GLP2R: variants seen among roughly 807,000 people sequenced by gnomAD.
GLP2R encodes the protein glucagon-like peptide 2 receptor.
In GLP2R, 59 loss-of-function variants were observed where a neutral mutation model predicts 68.2. The ratio of observed to expected loss-of-function variants is 0.87; its 90% CI spans 0.70 to 1.07. The LOEUF (loss-of-function observed/expected upper bound fraction) is 1.07, where lower values mean the gene tolerates loss of function less well. Among genes scored for constraint, GLP2R ranks in the 50% least tolerant of loss-of-function variants. The probability of loss-of-function intolerance (pLI) is 0.00; values close to 1 mark genes in which losing one functional copy is unlikely to be tolerated. For missense variants in GLP2R, 548 were observed against 677.4 expected, an observed-to-expected ratio of 0.81 and a Z score of 2.12; for synonymous variants, 270 against 265.4, an observed-to-expected ratio of 1.02 and a Z score of -0.17.
At chr17:9,866,363 G>C (rs980216584) in intron 9 of GLP2R, 4 of 168,390 alleles carry the variant, frequency 2.4e-5, no homozygotes, top group African/African-American at 4.8e-5. Context: ...GATGGGGATA[G>C]GAGGAGAATG....
At chr17:9,856,907 T>C (rs1597389513) in intron 5 of GLP2R, among the ~76,000 whole-genome samples, 1 of 152,114 alleles carries the variant, frequency 6.6e-6, no homozygotes, top group African/African-American at 2.4e-5. Flanking sequence ...ATGTTGAAGA[T>C]GTTTTGTAGG....
In GLP2R at chr17:9,890,006, A is replaced by C; in HGVS notation, c.*301A>C. 1 of 506,540 alleles carries C rather than the reference A, an allele frequency of 2.0e-6. No individual in the cohort carries two copies. The highest frequency in any genetic ancestry group is 1.5e-5 in the South Asian group (1 of 64,970). 31.4% of individuals were successfully genotyped at this position (506,540 alleles called of 1,614,324 possible). ...AAGCCAATGAAGTCCCACCATGAAG[A>C]GAGGTCTCCTGTTATAGAGAAGCCA... On this transcript the variant is annotated 3_prime_UTR_variant, in exon 13 of 13. Coordinates refer to ENST00000262441, the MANE Select transcript of GLP2R (RefSeq NM_004246.3).
At chr17:9,860,156 C>T (rs750920641) in intron 7 of GLP2R, 55 bp downstream of exon 7, 5 of 1,463,664 alleles carry the variant, frequency 3.4e-6, no homozygotes, top group Non-Finnish European at 4.6e-6. Context: ...AATATGGGAG[C>T]CTGATAGAGA....
rs372099240 is a variant in GLP2R, at chr17:9,871,721, C to CTT, written c.1145+907_1145+908dup. Among the ~76,000 whole-genome samples, 961 of 102,246 alleles carry CTT rather than the reference C, an allele frequency of 9.4e-3. 29 individuals are homozygous for CTT. Among genetic ancestry groups the CTT allele is most frequent in the African/African-American group, 0.015 (372 of 25,046 alleles). 67.1% of individuals were successfully genotyped at this position (102,246 alleles called of 152,430 possible). Reference sequence around the variant, plus strand: ...TTCCTAGTTATTCTTTACTTTCTTTCTTTTTTTTTTTTTTTTTTTTTTGAC... The same window carrying CTT: ...TTCCTAGTTATTCTTTACTTTCTTTCTTTTTTTTTTTTTTTTTTTTTTTTGAC... On this transcript the variant is annotated intron_variant, in intron 10 of 12. Transcript: ENST00000262441.
intron 11 of GLP2R, among the ~76,000 whole-genome samples, chr17:9,882,052 A>AAAG (rs1455399222): frequency 7.4e-4 from 112 of 151,288 alleles, no homozygotes; most frequent in African/African-American, 2.5e-3. Flanking sequence ...AAAAAAAAAA[A>AAAG]AAAGAAATGA....
At chr17:9,861,342 T>A in intron 8 of GLP2R, 143 bp downstream of exon 8, 1 of 631,400 alleles carries the variant, frequency 1.6e-6, no homozygotes, top group Non-Finnish European at 2.9e-6. Flanking sequence ...GAATGGGAGA[T>A]AAAATAATCA....
chr17:9,842,481 T>A lies in GLP2R; in HGVS notation c.383-14T>A. ...GTGTTCTGACCTTTCCTCCAGAGCT[T>A]TGTTTACTTTCAGAGAGCTCAGGAA... On this transcript the variant is annotated splice_polypyrimidine_tract_variant and intron_variant, in intron 3 of 12. Coordinates refer to ENST00000262441, the MANE Select transcript of GLP2R (RefSeq NM_004246.3). 6.2e-7 allele frequency: 1 copy of A among 1,613,882 alleles called. No homozygotes were observed. Among genetic ancestry groups the A allele is most frequent in the Non-Finnish European group, 8.5e-7 (1 of 1,179,890 alleles).
intron 4 of GLP2R, among the ~76,000 whole-genome samples, chr17:9,845,715 T>C (rs1475760753): frequency 1.3e-5 from 2 of 151,152 alleles, no homozygotes; most frequent in South Asian, 2.1e-4. Flanking sequence ...CTTTTCTGCA[T>C]TGGCTATTTG....
intron 3 of GLP2R, among the ~76,000 whole-genome samples, chr17:9,840,514 GGGATATATTA>G (rs375807239): frequency 4.6e-5 from 7 of 152,218 alleles, no homozygotes; most frequent in African/African-American, 1.7e-4. Flanking sequence ...TTAAGTGCTT[GGGATATATTA>G]GTGACAAAAA....
At chr17:9,886,997 C>G (rs536788180) in intron 11 of GLP2R, among the ~76,000 whole-genome samples, 34 of 152,264 alleles carry the variant, frequency 2.2e-4, no homozygotes, top group African/African-American at 7.5e-4. Flanking sequence ...TTAGGGACAG[C>G]CAGGACATGT....
intron 10 of GLP2R, among the ~76,000 whole-genome samples, chr17:9,871,837 GC>G (rs2067097319): frequency 6.8e-6 from 1 of 146,648 alleles, no homozygotes; most frequent in South Asian, 2.1e-4. Flanking sequence ...CCATTCTCCT[GC>G]CTCAGCCTCC....
chr17:9,840,396 A>C (rs78566320), intron 3 of GLP2R, among the ~76,000 whole-genome samples: 4,563 of 152,364 alleles, frequency 0.03, 87 homozygotes, highest in East Asian at 0.076. Flanking sequence ...CATTCCCAGC[A>C]CAAAGCATTA....
intron 8 of GLP2R, 144 bp from the exon 9 acceptor site, chr17:9,861,877 T>C (rs2066990512): frequency 2.9e-6 from 2 of 679,338 alleles, no homozygotes; most frequent in East Asian, 2.5e-5. Context: ...TTCTCTCTTC[T>C]GCCTCTCCCA....
intron 2 of GLP2R, 132 bp downstream of exon 2, chr17:9,834,026 G>T: frequency 1.4e-6 from 1 of 721,232 alleles, no homozygotes; most frequent in Non-Finnish European, 2.5e-6. Context: ...GGCACACTGG[G>T]GATGGCTTGT....
Position 9,871,197 on chromosome 17 carries a change from G to A in GLP2R, c.1145+362G>A, listed in dbSNP as rs559535426. The stretch of plus-strand genomic sequence containing the variant: ...AGCCTGGACAACATGGTGAAACCCC[G>A]TTTCTACCAAAAATACAAAAGTTAG... On this transcript the variant is annotated intron_variant, in intron 10 of 12. Transcript: ENST00000262441. 3.5e-4 allele frequency among the ~76,000 whole-genome samples: 53 copies of A among 152,150 alleles called. No individual in the cohort carries two copies. In the South Asian group the frequency reaches 9.6e-3, roughly 27 times the overall value.
intron 1 of GLP2R, among the ~76,000 whole-genome samples, chr17:9,828,889 C>T (rs920541003): frequency 2.0e-5 from 3 of 152,248 alleles, no homozygotes; most frequent in South Asian, 2.1e-4. Flanking sequence ...ACCCAGTCTG[C>T]GTTTTCAGAG....
chr17:9,846,885 A>G (rs1475646213), intron 4 of GLP2R, among the ~76,000 whole-genome samples: 1 of 152,242 alleles, frequency 6.6e-6, no homozygotes, highest in East Asian at 1.9e-4. Context: ...AGGGGTTTCC[A>G]TCTCAGGAGA....
chr17:9,889,620 G>A lies in GLP2R; in HGVS notation c.1577G>A (p.Arg526Gln), dbSNP rs148610687. 8.4e-5 allele frequency: 135 copies of A among 1,613,374 alleles called. 1 individual carries two copies. In the African/African-American group the frequency reaches 9.7e-4, roughly 12 times the overall value. The change falls in exon 13 of 13, where the codon CGG becomes CAG. Residue 526 changes from arginine to glutamine, a missense_variant. Arg to Gln is a conservative substitution (Grantham distance 43). Coordinates refer to ENST00000262441, the MANE Select transcript of GLP2R (RefSeq NM_004246.3). ...CAACAGGACCATGCACGCTGGCCCCGGGGCAGCAGCCTGTCCGAGTGCAGT... is the reference window on the plus strand; with the variant it reads ...CAACAGGACCATGCACGCTGGCCCCAGGGCAGCAGCCTGTCCGAGTGCAGT... ...QPQQDHARWP[R>Q]GSSLSECSEG...
At chr17:9,835,362 G>A (rs2066717821) in intron 2 of GLP2R, among the ~76,000 whole-genome samples, 1 of 151,986 alleles carries the variant, frequency 6.6e-6, no homozygotes, top group African/African-American at 2.4e-5. Flanking sequence ...TAGAAGTTTG[G>A]GACCTAGTCT....
Sources: gnomAD v4.1 joint callset for allele counts (sites outside exome capture counted in the v4.1 genomes callset) on GRCh38, gnomAD v4.1.1 for gene constraint, MANE v1.5 for transcripts, NCBI Gene and HGNC (gene_info 2026-07-23, HGNC 2026-07-21) for gene names.